Variants in SULT2B1 observed in about 807,000 individuals in gnomAD.
The protein encoded by SULT2B1 is sulfotransferase family 2B member 1, also known as sulfotransferase 2B1.
Under a neutral mutation model 33.2 loss-of-function variants are expected in SULT2B1, and 16 were observed. The ratio of observed to expected loss-of-function variants is 0.48; its 90% confidence interval spans 0.33 to 0.73. The LOEUF is 0.73. Among genes scored for constraint, SULT2B1 ranks in the 30% least tolerant of loss-of-function variants. The pLI, the probability that SULT2B1 is intolerant of heterozygous loss-of-function variation, is 0.02. For synonymous variants in SULT2B1, 186 were observed against 200.5 expected (o/e 0.93, Z 0.61); for missense variants, 500 against 506.0 (o/e 0.99, Z 0.11).
chr19:48,580,402 G>A (rs1973470568), intron 2 of SULT2B1, among the ~76,000 whole-genome samples: 1 of 151,756 alleles, frequency 6.6e-6, no homozygotes, highest in African/African-American at 2.4e-5. Context: ...TGGGACCACA[G>A]ACATGCACCA....
rs749839881 is a variant in SULT2B1 at position 48,596,798 on chromosome 19, G to C, written c.705G>C (p.Glu235Asp). The C allele has an allele frequency of 6.2e-7, 1 of 1,609,820 alleles. No homozygotes were observed. Among genetic ancestry groups the C allele is most frequent in the Non-Finnish European group, 8.5e-7 (1 of 1,179,954 alleles). The change falls in exon 6 of 7, where the codon GAG becomes GAC. Residue 235 changes from glutamate to aspartate, a missense_variant. By Grantham distance (45) the Glu-to-Asp change is conservative. Coordinates refer to ENST00000201586, the MANE Select transcript of SULT2B1 (RefSeq NM_177973.2). ...TCCTGGGCCGTCCGCTGGGCAAGGAGGCACTGGGCTCCGTCGTGGCACACT... is the reference window on the plus strand; with the variant it reads ...TCCTGGGCCGTCCGCTGGGCAAGGACGCACTGGGCTCCGTCGTGGCACACT... ...CGFLGRPLGK[E>D]ALGSVVAHST...
At chr19:48,582,829 C>A (rs1385681668) in intron 2 of SULT2B1, among the ~76,000 whole-genome samples, 2 of 150,860 alleles carry the variant, frequency 1.3e-5, no homozygotes, top group Admixed American at 1.3e-4. Context: ...GGCAACAGAG[C>A]GAGACCCTGT....
chr19:48,552,453 GGGGCT>G lies in SULT2B1; in HGVS notation c.71+144_71+148del, dbSNP rs977081438. 13 of 975,562 alleles carry G rather than the reference GGGGCT, an allele frequency of 1.3e-5. No homozygotes were observed. The highest frequency in any genetic ancestry group is 2.0e-5 in the Non-Finnish European group (13 of 651,158). 60.4% of individuals were successfully genotyped at this position (975,562 alleles called of 1,614,324 possible). A position where few individuals can be genotyped will look rare whatever the true frequency, so the allele number is the denominator to read the frequency against. ...CAGGCCTGGCCCAGACTTAGCTGGA[GGGGCT>G]GGGCTGGGCTGGGGCATCCAGTGTG... is the stretch of plus-strand genomic sequence containing the variant. On this transcript the variant is annotated intron_variant, in intron 1 of 6. Coordinates refer to ENST00000201586, the MANE Select transcript of SULT2B1 (RefSeq NM_177973.2). The surrounding 1 kb of genome is among the most constrained non-coding windows in gnomAD (Gnocchi z 4.8).
intron 3 of SULT2B1, among the ~76,000 whole-genome samples, chr19:48,590,640 G>C (rs923084516): frequency 8.5e-5 from 13 of 152,080 alleles, no homozygotes; most frequent in African/African-American, 3.1e-4. Context: ...CAAGGGATTA[G>C]GAAATACCTC....
intron 1 of SULT2B1, among the ~76,000 whole-genome samples, chr19:48,555,429 G>A (rs964319227): frequency 5.3e-5 from 8 of 152,000 alleles, no homozygotes; most frequent in Admixed American, 5.2e-4. Context: ...GGCCACGCTT[G>A]TTCCCTGCCA....
intron 1 of SULT2B1, among the ~76,000 whole-genome samples, chr19:48,553,622 C>A (rs1461372251): frequency 1.3e-5 from 2 of 152,122 alleles, no homozygotes; most frequent in Non-Finnish European, 2.9e-5. Flanking sequence ...CGCCTCATTT[C>A]ATTCCACTGT....
intron 6 of SULT2B1, among the ~76,000 whole-genome samples, 197 bp from the exon 7 acceptor site, chr19:48,598,938 G>A (rs555728953): frequency 2.0e-5 from 3 of 152,036 alleles, no homozygotes; most frequent in African/African-American, 4.8e-5. Context: ...AGGTGAGAAC[G>A]GCGCCAGGTG....
intron 2 of SULT2B1, among the ~76,000 whole-genome samples, chr19:48,580,550 G>A (rs934153115): frequency 6.6e-6 from 1 of 152,018 alleles, no homozygotes; most frequent in Non-Finnish European, 1.5e-5. Context: ...GTGAGCCACC[G>A]TGCCAGCCCG....
intron 3 of SULT2B1, 25 bp from the exon 4 acceptor site, chr19:48,591,584 C>G: frequency 6.2e-7 from 1 of 1,602,490 alleles, no homozygotes. Flanking sequence ...ACGCCTTCTC[C>G]CCTCTCCTCA....
chr19:48,552,429 A>G lies in SULT2B1; in HGVS notation c.71+106A>G. On this transcript the variant is annotated intron_variant, in intron 1 of 6. Transcript: ENST00000201586. This position sits in a 1 kb window ranked among gnomAD's most constrained non-coding sequence, Gnocchi z 4.8. ...GTGGCCTCCAGCCACCCGCAGCCGC[A>G]GGCCTGGCCCAGACTTAGCTGGAGG... The G allele has an allele frequency of 8.1e-7, 1 of 1,229,934 alleles. No individual in the cohort carries two copies. The highest frequency in any genetic ancestry group is 1.3e-5 in the South Asian group (1 of 74,264). 76.2% of individuals were successfully genotyped at this position (1,229,934 alleles called of 1,614,324 possible).
chr19:48,599,153 A>G lies in SULT2B1; in HGVS notation c.845A>G (p.Lys282Arg). The G allele has an allele frequency of 6.3e-7, 1 of 1,589,984 alleles. No homozygotes were observed. The highest frequency in any genetic ancestry group is 8.5e-7 in the Non-Finnish European group (1 of 1,171,784). The change falls in exon 7 of 7, where the codon AAG becomes AGG. Residue 282 changes from lysine (K) to arginine (R), a missense_variant. Lys to Arg is a conservative substitution (Grantham distance 26). Transcript: ENST00000201586. The surrounding 1 kb of genome is among the most constrained non-coding windows in gnomAD (Gnocchi z 4.1). ...TCTCCAGGGGTCTGCGGCGACTGGA[A>G]GAACCACTTCACGGTGGCCCAGAGC... ...FLRKGVCGDW[K>R]NHFTVAQSEA... is the part of the protein sequence containing the mutation.
intron 6 of SULT2B1, among the ~76,000 whole-genome samples, chr19:48,597,654 C>CTTTTTTCTTTT (rs372246428): frequency 8.1e-6 from 1 of 124,220 alleles, no homozygotes; most frequent in Non-Finnish European, 1.6e-5. Flanking sequence ...TTTCTTTTTT[C>CTTTTTTCTTTT]TTTTTTGAGA....
At chr19:48,558,381 G>A (rs774215250) in intron 1 of SULT2B1, among the ~76,000 whole-genome samples, 1 of 152,136 alleles carries the variant, frequency 6.6e-6, no homozygotes, top group Non-Finnish European at 1.5e-5. Flanking sequence ...CATTCCCTGC[G>A]TGCTGGGCTA....
At chr19:48,556,614 G>A (rs2147595314) in intron 1 of SULT2B1, among the ~76,000 whole-genome samples, 1 of 151,370 alleles carries the variant, frequency 6.6e-6, no homozygotes, top group South Asian at 2.1e-4. Context: ...CCTCCAGGGA[G>A]AGAAACTATT....
intron 1 of SULT2B1, among the ~76,000 whole-genome samples, chr19:48,559,187 G>A (rs909231318): frequency 2.0e-5 from 3 of 152,080 alleles, no homozygotes; most frequent in Non-Finnish European, 2.9e-5. Context: ...AGCCCCTGAC[G>A]AGGGACTCAG....
At chr19:48,588,209 CA>C (rs36003772) in intron 3 of SULT2B1, among the ~76,000 whole-genome samples, 32,766 of 115,928 alleles carry the variant, frequency 0.28, 3,924 homozygotes, top group East Asian at 0.54. Flanking sequence ...GATTTCATCT[CA>C]AAAAAAAAAA....
At chr19:48,557,867 C>T (rs1421935587) in intron 1 of SULT2B1, among the ~76,000 whole-genome samples, 2 of 151,928 alleles carry the variant, frequency 1.3e-5, no homozygotes, top group East Asian at 1.9e-4. Flanking sequence ...TGCGGTGAGT[C>T]GAGATCGTGT....
chr19:48,594,203 G>A (rs1399748218), intron 5 of SULT2B1, among the ~76,000 whole-genome samples: 1 of 152,096 alleles, frequency 6.6e-6, no homozygotes, highest in Non-Finnish European at 1.5e-5. Context: ...GGAGGTTGCG[G>A]TGAGCCAAGA....
chr19:48,552,431 G>A lies in SULT2B1; in HGVS notation c.71+108G>A, dbSNP rs989589296. ...GGCCTCCAGCCACCCGCAGCCGCAG[G>A]CCTGGCCCAGACTTAGCTGGAGGGG... On this transcript the variant is annotated intron_variant, in intron 1 of 6. Transcript: ENST00000201586. This position sits in a 1 kb window ranked among gnomAD's most constrained non-coding sequence, Gnocchi z 4.8. The A allele has an allele frequency of 1.2e-4, 144 of 1,232,824 alleles. No individual in the cohort carries two copies. The highest frequency in any genetic ancestry group is 1.6e-4 in the Non-Finnish European group (141 of 873,972). The allele number at this position is 1,232,824 out of a possible 1,614,324, so 76.4% of individuals were successfully genotyped here.
Sources: allele counts gnomAD v4.1 joint callset (sites outside exome capture counted in the v4.1 genomes callset), GRCh38; gene constraint gnomAD v4.1.1; non-coding constraint Gnocchi (gnomAD v3.1); transcripts MANE v1.5; gene names NCBI Gene and HGNC (gene_info 2026-07-23, HGNC 2026-07-21).